TANC2: variants seen among roughly 807,000 people sequenced by gnomAD.
TANC2 encodes protein TANC2.
TANC2 carries 26 observed loss-of-function variants against 210.5 expected under a neutral mutation model. That is an observed-to-expected ratio of 0.12 (90% confidence interval 0.09 to 0.17). The LOEUF (loss-of-function observed/expected upper bound fraction) is 0.17. TANC2 is among the 10% of genes least tolerant of loss of function. The pLI is 1.00. For missense variants in TANC2, 2,129 were observed against 2,608.9 expected, an observed-to-expected ratio of 0.82 and a Z score of 4.01; for synonymous variants, 931 against 967.1, an observed-to-expected ratio of 0.96 and a Z score of 0.69.
chr17:62,998,423 G>A (rs561668234), intron 1 of TANC2, among the ~76,000 whole-genome samples: 47 of 152,272 alleles, frequency 3.1e-4, no homozygotes, highest in Admixed American at 1.2e-3. Flanking sequence ...GAAAATCCAT[G>A]TGAGATGAAT....
rs1055555744 is a variant in TANC2 at position 63,241,033 on chromosome 17, C to T, written c.1033+2956C>T. ...TGAATGAATATATGCATGAACCAACCAATCTGTGATATCAGCTTTAAACAA... is the reference window on the plus strand; with the variant it reads ...TGAATGAATATATGCATGAACCAACTAATCTGTGATATCAGCTTTAAACAA... On this transcript the variant is annotated intron_variant, in intron 8 of 27. Coordinates refer to ENST00000689528, the Ensembl canonical transcript of TANC2. Among the ~76,000 whole-genome samples the T allele has an allele frequency of 3.3e-5, 5 of 152,144 alleles. 1 individual carries two copies. The highest frequency in any genetic ancestry group is 4.1e-4 in the South Asian group (2 of 4,826).
At chr17:63,334,995 T>A (rs1390369753) in intron 11 of TANC2, among the ~76,000 whole-genome samples, 1 of 152,012 alleles carries the variant, frequency 6.6e-6, no homozygotes, top group Non-Finnish European at 1.5e-5. Flanking sequence ...AATGACCAGA[T>A]CTTGTGAGAA....
At chr17:63,308,213 T>TG (rs2044991139) in intron 9 of TANC2, among the ~76,000 whole-genome samples, 1 of 152,246 alleles carries the variant, frequency 6.6e-6, no homozygotes, top group Non-Finnish European at 1.5e-5. Flanking sequence ...ATTTTAATTT[T>TG]GGTGCTCTTC....
intron 1 of TANC2, among the ~76,000 whole-genome samples, chr17:62,987,815 A>G (rs538870864): frequency 1.1e-3 from 163 of 152,214 alleles, no homozygotes; most frequent in African/African-American, 3.8e-3. Flanking sequence ...CAGAGGGGCA[A>G]GGAGTACAGG....
chr17:63,422,145 C>A lies in TANC2; in HGVS notation c.*190C>A, dbSNP rs943139186. The A allele has an allele frequency of 3.0e-5, 19 of 627,834 alleles. No individual in the cohort carries two copies. In the Admixed American group the frequency reaches 6.0e-4, roughly 20 times the overall value. The allele number at this position is 627,834 out of a possible 1,614,324, so 38.9% of individuals were successfully genotyped here. A position where few individuals can be genotyped will look rare whatever the true frequency, so the allele number is the denominator to read the frequency against. ...AGCGGCCTCCCGGGAGCCAGGACTTCAGTTTCTCTTGTCTGTGCCCAGCCA... is the reference window on the plus strand; with the variant it reads ...AGCGGCCTCCCGGGAGCCAGGACTTAAGTTTCTCTTGTCTGTGCCCAGCCA... On this transcript the variant is annotated 3_prime_UTR_variant, in exon 28 of 28. Transcript: ENST00000689528.
chr17:63,093,374 C>G (rs552207776), intron 3 of TANC2, among the ~76,000 whole-genome samples: 2 of 152,144 alleles, frequency 1.3e-5, no homozygotes, highest in East Asian at 3.9e-4. Context: ...TGAAAATATC[C>G]TTTCTACACT....
chr17:62,975,080 A>G (rs943807980), intron 1 of TANC2, among the ~76,000 whole-genome samples: 8 of 152,188 alleles, frequency 5.3e-5, no homozygotes, highest in Non-Finnish European at 1.2e-4. Context: ...ATCCAGCCTT[A>G]TAAGTAGATT....
intron 1 of TANC2, among the ~76,000 whole-genome samples, chr17:62,991,601 C>T (rs1311343401): frequency 6.7e-6 from 1 of 149,162 alleles, no homozygotes; most frequent in Admixed American, 6.7e-5. Flanking sequence ...GATCACGCCA[C>T]TGCACTCCAG....
intron 3 of TANC2, chr17:63,088,363 T>C (rs541360917): frequency 6.6e-6 from 1 of 152,340 alleles, no homozygotes; most frequent in African/African-American, 2.4e-5. Flanking sequence ...TCCATAGGCA[T>C]AGGTTGAATA....
Position 63,419,944 on chromosome 17 carries a change from G to A in TANC2, c.4269-55G>A. The A allele has an allele frequency of 4.7e-6, 7 of 1,478,278 alleles. No homozygotes were observed. The South Asian group carries it at 8.4e-5, about 18-fold the overall frequency. 91.6% of individuals were successfully genotyped at this position (1,478,278 alleles called of 1,614,324 possible). On this transcript the variant is annotated intron_variant, in intron 27 of 27. Transcript: ENST00000689528. ...AGTGACCATGTTCTCAGCTCTTGGT[G>A]ATTTCTCTGGATTCAGAATAACTCC...
chr17:63,259,164 G>A (rs1360095838), intron 8 of TANC2, among the ~76,000 whole-genome samples: 8 of 152,106 alleles, frequency 5.3e-5, no homozygotes, highest in East Asian at 3.8e-4. Flanking sequence ...CTCTTCCTGC[G>A]GCCCTATTCT....
rs769632418 is a variant in TANC2 at position 63,421,750 on chromosome 17, A to G, written c.6020A>G (p.His2007Arg). ...CTGGAGGACGATTATTACAGCCCCC[A>G]TGGGATGCTGGCTAACGGGTCTCGT... The change falls in exon 28 of 28, where the codon CAT (histidine) becomes CGT (arginine). Residue 2007 changes from histidine (H) to arginine (R), a missense_variant. Physicochemically the swap from His to Arg is conservative, Grantham distance 29. Coordinates refer to ENST00000689528, the Ensembl canonical transcript of TANC2. The surrounding 1 kb of genome is among the most constrained non-coding windows in gnomAD (Gnocchi z 6.9). 8 of 1,614,044 alleles carry G rather than the reference A, an allele frequency of 5.0e-6. No individual in the cohort carries two copies. Among genetic ancestry groups the G allele is most frequent in the East Asian group, 2.2e-5 (1 of 44,880 alleles).
At chr17:63,378,436 G>C (rs1379431913) in intron 14 of TANC2, among the ~76,000 whole-genome samples, 1 of 151,864 alleles carries the variant, frequency 6.6e-6, no homozygotes, top group African/African-American at 2.4e-5. Context: ...AGATTAAACA[G>C]AACAGAAATC....
Position 63,115,408 on chromosome 17 carries a change from T to C in TANC2, c.322+16051T>C, listed in dbSNP as rs368101673. On this transcript the variant is annotated intron_variant, in intron 4 of 27. Coordinates refer to ENST00000689528, the Ensembl canonical transcript of TANC2. ...CATAGAAACCACTTATACTTCTTTA[T>C]TACCAAGTTACTATTTTCTGAAGAC... Among the ~76,000 whole-genome samples the C allele has an allele frequency of 4.6e-5, 7 of 152,336 alleles. No individual in the cohort carries two copies. In the East Asian group the frequency reaches 1.2e-3, roughly 25 times the overall value.
chr17:63,395,562 A>G (rs2048128090), intron 17 of TANC2, among the ~76,000 whole-genome samples, 181 bp from the exon 18 acceptor site: 1 of 152,146 alleles, frequency 6.6e-6, no homozygotes, highest in Non-Finnish European at 1.5e-5. Context: ...GACATTTAGC[A>G]TAGTTGTAGC....
chr17:63,274,364 C>T (rs982274159), intron 9 of TANC2, among the ~76,000 whole-genome samples: 2 of 152,078 alleles, frequency 1.3e-5, no homozygotes, highest in African/African-American at 4.8e-5. Context: ...CATCCAAGAG[C>T]TTGAATACTA....
chr17:63,243,448 T>C (rs889961529), intron 8 of TANC2, among the ~76,000 whole-genome samples: 2 of 152,196 alleles, frequency 1.3e-5, no homozygotes, highest in African/African-American at 4.8e-5. Flanking sequence ...ATCTAAAAAC[T>C]GAAAACCATT....
intron 1 of TANC2, among the ~76,000 whole-genome samples, chr17:63,009,083 T>C (rs2033752110): frequency 6.6e-6 from 1 of 152,186 alleles, no homozygotes; most frequent in Non-Finnish European, 1.5e-5. Context: ...TTTTGTACTA[T>C]ATATTTAAAC....
At chr17:63,311,101 AAGT>A (rs1256658547) in intron 9 of TANC2, among the ~76,000 whole-genome samples, 1 of 152,198 alleles carries the variant, frequency 6.6e-6, no homozygotes, top group African/African-American at 2.4e-5. Context: ...TATAAAATGA[AAGT>A]AGTAATAACT....
Sources: allele counts gnomAD v4.1 joint callset (sites outside exome capture counted in the v4.1 genomes callset), GRCh38; gene constraint gnomAD v4.1.1; non-coding constraint Gnocchi (gnomAD v3.1); transcripts MANE v1.5; gene names NCBI Gene and HGNC (gene_info 2026-07-23, HGNC 2026-07-21).